The following CHRND variants were observed in gnomAD, a reference collection of about 807,000 sequenced individuals.
CHRND encodes the protein cholinergic receptor nicotinic delta subunit, also known as acetylcholine receptor subunit delta.
A neutral mutation model predicts 57.8 loss-of-function variants in CHRND; 40 were observed. That is an observed-to-expected ratio of 0.69 (90% CI 0.54 to 0.90). CHRND has a LOEUF of 0.90. Ranked by LOEUF, CHRND falls within the 40% of genes least tolerant of loss-of-function variation. The pLI is 0.00. For missense variants in CHRND, 634 were observed against 673.9 expected (o/e 0.94, Z 0.66); for synonymous variants, 237 against 270.6 (o/e 0.88, Z 1.22).
chr2:232,528,385 C>G lies in CHRND; in HGVS notation c.353+14C>G, dbSNP rs765810417. On this transcript the variant is annotated intron_variant, in intron 4 of 11. Coordinates refer to ENST00000258385, the MANE Select transcript of CHRND (RefSeq NM_000751.3). The stretch of plus-strand genomic sequence containing the variant: ...GCTGGAGAACAAGTTGAGCCAAGCC[C>G]TCCCTGACCTCCCCTCTGTCACCCT... The G allele has an allele frequency of 6.2e-6, 10 of 1,613,762 alleles. No homozygotes were observed. The African/African-American group carries it at 1.2e-4, about 19-fold the overall frequency.
chr2:232,533,884 A>ATGCT, intron 9 of CHRND, 47 bp from the exon 10 acceptor site: 1 of 1,592,988 alleles, frequency 6.3e-7, no homozygotes, highest in Non-Finnish European at 8.6e-7. Flanking sequence ...TCAAAAACAA[A>ATGCT]GAACAAAAAA....
intron 11 of CHRND, 71 bp downstream of exon 11, chr2:232,534,413 AG>A: frequency 6.8e-7 from 1 of 1,464,072 alleles, no homozygotes; most frequent in Non-Finnish European, 9.6e-7. Context: ...CTATCTTAAG[AG>A]GGCAGGGTTC....
intron 9 of CHRND, among the ~76,000 whole-genome samples, 163 bp from the exon 10 acceptor site, chr2:232,533,768 C>A (rs1287461405): frequency 7.2e-6 from 1 of 139,604 alleles, no homozygotes; most frequent in South Asian, 2.4e-4. Context: ...GTCCCAACTA[C>A]TTGGGAGACT....
intron 9 of CHRND, among the ~76,000 whole-genome samples, chr2:232,532,522 A>G (rs1324413577): frequency 6.6e-6 from 1 of 150,510 alleles, no homozygotes; most frequent in East Asian, 1.9e-4. Context: ...TCCAAAGGCC[A>G]TCTGTAGAAT....
In CHRND at chr2:232,534,007, T is replaced by A. The variant is rs1691800977; in HGVS notation, c.1124T>A (p.Val375Glu). 6.2e-7 allele frequency: 1 copy of A among 1,613,812 alleles called. No homozygotes were observed. The highest frequency in any genetic ancestry group is 1.3e-5 in the African/African-American group (1 of 74,928). Residue 375 changes from valine to glutamate, a missense_variant, in exon 10 of 12, where the codon GTG (valine) becomes GAG (glutamate). Coordinates refer to ENST00000258385, the MANE Select transcript of CHRND (RefSeq NM_000751.3). ...AEDGPSPGAL[V>E]RRSSSLGYIS... ...GATGGACCCAGCCCTGGGGCCCTGG[T>A]GCGGAGGAGCAGCTCCCTGGGATAC...
At chr2:232,527,829 C>T (rs909160185) in intron 3 of CHRND, among the ~76,000 whole-genome samples, 9 of 152,206 alleles carry the variant, frequency 5.9e-5, no homozygotes, top group Non-Finnish European at 1.3e-4. Flanking sequence ...GAGATCCCGT[C>T]TGCCTTGGAC....
chr2:232,531,361 A>G lies in CHRND; in HGVS notation c.830A>G (p.Lys277Arg). ...AGTCTGGCTTCCCCAGGTGGTGAGA[A>G]GACATCAGTGGCCATCTCGGTGCTC... ...VFYLPADSGE[K>R]TSVAISVLLA... The change falls in exon 8 of 12, where the codon AAG becomes AGG. Residue 277 changes from lysine to arginine, a missense_variant. By Grantham distance (26) the Lys-to-Arg change is conservative. Transcript: ENST00000258385. 1 of 1,612,692 alleles carries G rather than the reference A, an allele frequency of 6.2e-7. No individual in the cohort carries two copies. Among genetic ancestry groups the G allele is most frequent in the Non-Finnish European group, 8.5e-7 (1 of 1,179,120 alleles).
rs1559298764 is a variant in CHRND at position 232,534,480 on chromosome 2, G to T, written c.1371+138G>T. The T allele has an allele frequency of 9.9e-6, 9 of 907,628 alleles. No individual in the cohort carries two copies. In the South Asian group the frequency reaches 1.3e-4, roughly 13 times the overall value. 56.2% of individuals were successfully genotyped at this position (907,628 alleles called of 1,614,324 possible). ...GGAGTTAATGTGACACAGATTCCAG[G>T]CCCCCCCGCCAGGGAGAGAGAACTC... On this transcript the variant is annotated intron_variant, in intron 11 of 11. Transcript: ENST00000258385.
At chr2:232,530,648 C>CG (rs1691654898) in intron 7 of CHRND, among the ~76,000 whole-genome samples, 1 of 152,192 alleles carries the variant, frequency 6.6e-6, no homozygotes, top group African/African-American at 2.4e-5. Flanking sequence ...CCCCTGCCCC[C>CG]GGCAGGACTT....
intron 9 of CHRND, 26 bp downstream of exon 9, chr2:232,531,682 C>G: frequency 2.5e-6 from 4 of 1,580,120 alleles, no homozygotes; most frequent in Non-Finnish European, 2.6e-6. Flanking sequence ...GGCGCAAAAG[C>G]TCACCACTGT....
chr2:232,532,982 C>T (rs527273817), intron 9 of CHRND, among the ~76,000 whole-genome samples: 12 of 152,276 alleles, frequency 7.9e-5, no homozygotes, highest in African/African-American at 2.2e-4. Flanking sequence ...GCTGCAGGGC[C>T]GGCTGGCTGT....
chr2:232,534,219 T>C lies in CHRND; in HGVS notation c.1253-5T>C, dbSNP rs1238379486. The C allele has an allele frequency of 2.5e-6, 4 of 1,614,048 alleles. No individual in the cohort carries two copies. The highest frequency in any genetic ancestry group is 3.4e-6 in the Non-Finnish European group (4 of 1,180,032). ...CTCACACCCACTCTGGCCCCTCGTC[T>C]GTAGGCCGGCCCCCAGCAAGCTCTG... On this transcript the variant is annotated splice_region_variant and splice_polypyrimidine_tract_variant and intron_variant, in intron 10 of 11. Coordinates refer to ENST00000258385, the MANE Select transcript of CHRND (RefSeq NM_000751.3).
Position 232,536,076 on chromosome 2 carries a change from T to A in CHRND, c.*764T>A. ...TCATTCGTTGTTTCTCTGAAATTTGTCCCCTATTTTTATTTGCTAAATCTA... is the reference window on the plus strand; with the variant it reads ...TCATTCGTTGTTTCTCTGAAATTTGACCCCTATTTTTATTTGCTAAATCTA... On this transcript the variant is annotated 3_prime_UTR_variant, in exon 12 of 12. Transcript: ENST00000258385. 2.2e-6 allele frequency: 1 copy of A among 454,146 alleles called. No homozygotes were observed. Among genetic ancestry groups the A allele is most frequent in the South Asian group, 1.6e-5 (1 of 64,470 alleles). 28.1% of individuals were successfully genotyped at this position (454,146 alleles called of 1,614,324 possible). A position where few individuals can be genotyped will look rare whatever the true frequency, so the allele number is the denominator to read the frequency against.
chr2:232,529,851 G>A, intron 6 of CHRND, 88 bp from the exon 7 acceptor site: 1 of 1,420,762 alleles, frequency 7.0e-7, no homozygotes, highest in Non-Finnish European at 9.6e-7. Context: ...GGACTGGCTT[G>A]CCCTGCCCAG....
In CHRND at chr2:232,535,252, A is replaced by T. The variant is rs187237703; in HGVS notation, c.1494A>T (p.Pro498=). 6.2e-7 allele frequency: 1 copy of T among 1,614,028 alleles called. No individual in the cohort carries two copies. The highest frequency in any genetic ancestry group is 1.3e-5 in the African/African-American group (1 of 75,012). ...TGCAGGGCGTTTACAACCAGCCACC[A>T]CCCCAGCCTTTTCCTGGGGACCCCT... The part of the protein sequence containing the change: ...IFLQGVYNQP[P]PQPFPGDPYS... Residue 498 remains proline, a synonymous_variant, in exon 12 of 12, where the codon CCA becomes CCT. Transcript: ENST00000258385.
Position 232,526,570 on chromosome 2 carries a change from C to G in CHRND, c.94C>G (p.Leu32Val). 6.2e-7 allele frequency: 1 copy of G among 1,613,748 alleles called. No individual in the cohort carries two copies. Among genetic ancestry groups the G allele is most frequent in the Non-Finnish European group, 8.5e-7 (1 of 1,180,022 alleles). Residue 32 changes from leucine (L) to valine (V), a missense_variant, in exon 2 of 12, where the codon CTG (leucine) becomes GTG (valine). By Grantham distance (32) the Leu-to-Val change is conservative (BLOSUM62 1). Transcript: ENST00000258385. ...LNEEERLIRH[L>V]FQEKGYNKEL... The stretch of plus-strand genomic sequence containing the variant: ...CGAGGAGGAGCGGCTGATCCGGCAC[C>G]TGTTTCAAGAGAAGGGCTACAACAA...
At chr2:232,532,239 G>A (rs961785929) in intron 9 of CHRND, among the ~76,000 whole-genome samples, 3 of 152,028 alleles carry the variant, frequency 2.0e-5, no homozygotes, top group Middle Eastern at 3.4e-3. Context: ...TGGCTGAGGC[G>A]GGTGGATCAC....
rs4973046 is a variant in CHRND at position 232,535,736 on chromosome 2, C to T, written c.*424C>T. ...TCCAGCCTCCCTCTTCCTACCTACC[C>T]TTCAACCTCAGGCTTCTGAGGCCTC... On this transcript the variant is annotated 3_prime_UTR_variant, in exon 12 of 12. Transcript: ENST00000258385. 34,812 of 457,964 alleles carry T rather than the reference C, an allele frequency of 0.076. 1,509 individuals carry two copies. Among genetic ancestry groups the T allele is most frequent in the Admixed American group, 0.1 (4,425 of 42,672 alleles). 28.4% of individuals were successfully genotyped at this position (457,964 alleles called of 1,614,324 possible).
chr2:232,533,949 C>A lies in CHRND; in HGVS notation c.1066C>A (p.Pro356Thr). The A allele has an allele frequency of 6.2e-7, 1 of 1,612,916 alleles. No homozygotes were observed. The highest frequency in any genetic ancestry group is 1.7e-5 in the Admixed American group (1 of 60,020). The change falls in exon 10 of 12, where the codon CCG (proline) becomes ACG (threonine). Residue 356 changes from proline (P) to threonine (T), a missense_variant. Pro to Thr is a conservative substitution (Grantham distance 38). Transcript: ENST00000258385. ...GVKKLFLETL[P>T]ELLHMSRPAE... ...GCCCCAGCTCTTCCTGGAGACCCTG[C>A]CGGAGCTCCTGCACATGTCCCGCCC...
Sources: allele counts gnomAD v4.1 joint callset (sites outside exome capture counted in the v4.1 genomes callset), GRCh38; gene constraint gnomAD v4.1.1; transcripts MANE v1.5; gene names NCBI Gene and HGNC (gene_info 2026-07-23, HGNC 2026-07-21).